PDK1: variants seen among roughly 807,000 people sequenced by gnomAD.
PDK1 encodes [Pyruvate dehydrogenase (acetyl-transferring)] kinase isozyme 1, mitochondrial.
A neutral mutation model predicts 54.2 loss-of-function variants in PDK1; 39 were observed. The ratio of observed to expected loss-of-function variants is 0.72; its 90% CI spans 0.56 to 0.94. The LOEUF is 0.94. Among genes scored for constraint, PDK1 ranks in the 40% least tolerant of loss-of-function variants. PDK1 has a pLI of 0.00. For missense variants in PDK1, 552 were observed against 566.0 expected, an observed-to-expected ratio of 0.98 and a Z score of 0.25; for synonymous variants, 221 against 207.1, an observed-to-expected ratio of 1.07 and a Z score of -0.58.
chr2:172,562,872 A>C lies in PDK1; in HGVS notation c.410+581A>C, dbSNP rs139958253. 131 of 1,411,754 alleles carry C rather than the reference A, an allele frequency of 9.3e-5. No individual in the cohort carries two copies. In the East Asian group the frequency reaches 2.6e-3, roughly 29 times the overall value. The allele number at this position is 1,411,754 out of a possible 1,614,324, so 87.5% of individuals were successfully genotyped here. ...ACCAAAGTATTTGCCTTATGCAGCTACCTGCTTATTGCAGTGAAGGGTACT... is the reference window on the plus strand; with the variant it reads ...ACCAAAGTATTTGCCTTATGCAGCTCCCTGCTTATTGCAGTGAAGGGTACT... On this transcript the variant is annotated intron_variant, in intron 3 of 10. Coordinates refer to ENST00000282077, the MANE Select transcript of PDK1 (RefSeq NM_002610.5).
At chr2:172,679,705 G>C in the PDK1 span, among the ~76,000 whole-genome samples, 1 of 151,732 alleles carries the variant, frequency 6.6e-6, no homozygotes, top group Non-Finnish European at 1.5e-5. Context: ...ATATTAACAT[G>C]TATCCTCTAA....
At chr2:172,653,309 C>CA in the PDK1 span, among the ~76,000 whole-genome samples, 1 of 152,080 alleles carries the variant, frequency 6.6e-6, no homozygotes, top group African/African-American at 2.4e-5. Flanking sequence ...ACATCTAATA[C>CA]AAAAATTAAT....
At chr2:172,702,134 T>C in the PDK1 span, among the ~76,000 whole-genome samples, 1 of 152,172 alleles carries the variant, frequency 6.6e-6, no homozygotes. Context: ...CTGGCTTACT[T>C]TAATTCACCT....
At chr2:172,589,746 C>T (rs1239966590) in intron 9 of PDK1, among the ~76,000 whole-genome samples, 1 of 152,170 alleles carries the variant, frequency 6.6e-6, no homozygotes, top group Non-Finnish European at 1.5e-5. Flanking sequence ...CATACAAGCT[C>T]ATAGTTAGCA....
the PDK1 span, among the ~76,000 whole-genome samples, chr2:172,646,592 A>G: frequency 7.2e-5 from 11 of 152,104 alleles, no homozygotes; most frequent in African/African-American, 2.2e-4. Flanking sequence ...TGTGATTTTT[A>G]GTAGTTACAA....
At chr2:172,664,542 C>A in the PDK1 span, among the ~76,000 whole-genome samples, 5 of 152,018 alleles carry the variant, frequency 3.3e-5, no homozygotes, top group African/African-American at 1.2e-4. Context: ...TCAGTGATCT[C>A]TAGGAATGTG....
At chr2:172,666,429 T>C in the PDK1 span, among the ~76,000 whole-genome samples, 1 of 152,176 alleles carries the variant, frequency 6.6e-6, no homozygotes, top group Admixed American at 6.5e-5. Flanking sequence ...GAAGGGTGTA[T>C]CTTGTGGATG....
chr2:172,556,022 G>T (rs1274367910), upstream of PDK1: 2 of 628,362 alleles, frequency 3.2e-6, no homozygotes, highest in Non-Finnish European at 4.8e-6. Flanking sequence ...GCTCCGGCTA[G>T]GAGGGTGGGG....
At chr2:172,716,528 T>C in the PDK1 span, among the ~76,000 whole-genome samples, 1,616 of 152,216 alleles carry the variant, frequency 0.011, 29 homozygotes, top group African/African-American at 0.037. Context: ...TTTCACCATG[T>C]TGGTCAGGTT....
At chr2:172,672,098 T>C in the PDK1 span, among the ~76,000 whole-genome samples, 1 of 152,180 alleles carries the variant, frequency 6.6e-6, no homozygotes, top group Admixed American at 6.5e-5. Flanking sequence ...AGACAAGAAG[T>C]ATTCTTGCAA....
At chr2:172,645,213 T>C in the PDK1 span, among the ~76,000 whole-genome samples, 1 of 147,914 alleles carries the variant, frequency 6.8e-6, no homozygotes, top group Admixed American at 6.9e-5. Flanking sequence ...CTGATGACAT[T>C]GGATAAACAT....
the PDK1 span, among the ~76,000 whole-genome samples, chr2:172,708,049 C>T: frequency 6.6e-6 from 1 of 152,072 alleles, no homozygotes; most frequent in East Asian, 1.9e-4. Context: ...ACACCTGTAT[C>T]TCAGCAGTTT....
At chr2:172,573,561 G>A (rs1048627518) in intron 8 of PDK1, among the ~76,000 whole-genome samples, 2 of 149,276 alleles carry the variant, frequency 1.3e-5, no homozygotes, top group African/African-American at 5.0e-5. Flanking sequence ...GTATATATAC[G>A]CATATATACA....
chr2:172,703,057 T>C, the PDK1 span, among the ~76,000 whole-genome samples: 1 of 152,224 alleles, frequency 6.6e-6, no homozygotes, highest in Non-Finnish European at 1.5e-5. Context: ...GCCAGATTAC[T>C]TGGGTGTGAC....
the PDK1 span, among the ~76,000 whole-genome samples, chr2:172,619,776 G>T: frequency 1.3e-5 from 2 of 152,124 alleles, no homozygotes; most frequent in African/African-American, 2.4e-5. Context: ...TCAAAGTCAG[G>T]GAAGAGTCTC....
At position 172,600,880 on chromosome 2, in the gene PDK1, G is replaced by C. The variant is rs758456104; in HGVS notation, c.*4911G>C. On this transcript the variant is annotated 3_prime_UTR_variant, in exon 11 of 11. Coordinates refer to ENST00000282077, the MANE Select transcript of PDK1 (RefSeq NM_002610.5). ...CTTATCTGGAAGGGAGAGTTTCTCT[G>C]TCTGTTCCCATACATCTTGCAGCTG... The C allele has an allele frequency of 3.3e-5, 5 of 152,152 alleles. No individual in the cohort carries two copies. The highest frequency in any genetic ancestry group is 5.9e-5 in the Non-Finnish European group (4 of 68,060). The allele number at this position is 152,152 out of a possible 1,614,324, so 9.4% of individuals were successfully genotyped here. A position where few individuals can be genotyped will look rare whatever the true frequency, so the allele number is the denominator to read the frequency against.
At chr2:172,641,330 C>A in the PDK1 span, among the ~76,000 whole-genome samples, 298 of 152,070 alleles carry the variant, frequency 2.0e-3, no homozygotes, top group Middle Eastern at 3.4e-3. Flanking sequence ...CGGGGTCTTT[C>A]TATGTTGCCC....
At chr2:172,699,918 T>G in the PDK1 span, among the ~76,000 whole-genome samples, 1 of 152,152 alleles carries the variant, frequency 6.6e-6, no homozygotes, top group South Asian at 2.1e-4. Flanking sequence ...TCCGAACTGT[T>G]TGTGTCCCTG....
chr2:172,589,813 T>G (rs1426090585), intron 9 of PDK1, among the ~76,000 whole-genome samples: 1 of 152,238 alleles, frequency 6.6e-6, no homozygotes, highest in Non-Finnish European at 1.5e-5. Context: ...TTTTCCCATT[T>G]ATCCAGATGT....
Sources: allele counts gnomAD v4.1 joint callset (sites outside exome capture counted in the v4.1 genomes callset), GRCh38; gene constraint gnomAD v4.1.1; transcripts MANE v1.5; gene names NCBI Gene and HGNC (gene_info 2026-07-23, HGNC 2026-07-21).